CNTN4: variants seen among roughly 807,000 people sequenced by gnomAD.
CNTN4 encodes the protein contactin 4.
In CNTN4, 77 loss-of-function variants were observed where a neutral mutation model predicts 122.5. That is an observed-to-expected ratio of 0.63 (90% CI 0.52 to 0.76). CNTN4 has a LOEUF of 0.76. Among genes scored for constraint, CNTN4 ranks in the 30% least tolerant of loss-of-function variants. CNTN4 has a pLI of 0.00. For missense variants in CNTN4, 1,256 were observed against 1,259.1 expected, an observed-to-expected ratio of 1.00 and a Z score of 0.04; for synonymous variants, 512 against 447.0, an observed-to-expected ratio of 1.15 and a Z score of -1.83.
rs546540987 is a variant in CNTN4 at position 2,427,518 on chromosome 3, T to C, written c.-89+88285T>C. Among the ~76,000 whole-genome samples the C allele has an allele frequency of 1.1e-4, 16 of 152,256 alleles. 1 individual carries two copies. In the South Asian group the frequency reaches 3.3e-3, roughly 32 times the overall value. ...TTTGTGGTCAATTTTGGAATAAGTG[T>C]GATGTGGTGCTGAGAAGAATGTATA... is the stretch of plus-strand genomic sequence containing the variant. On this transcript the variant is annotated intron_variant, in intron 3 of 24. Transcript: ENST00000418658.
intron 4 of CNTN4, among the ~76,000 whole-genome samples, chr3:2,691,127 C>G (rs1260820351): frequency 6.6e-6 from 1 of 152,138 alleles, no homozygotes; most frequent in Non-Finnish European, 1.5e-5. Context: ...TATGGCTTGT[C>G]TCTGCATTGG....
intron 7 of CNTN4, among the ~76,000 whole-genome samples, chr3:2,864,015 A>G (rs2093697106): frequency 6.6e-6 from 1 of 152,182 alleles, no homozygotes; most frequent in African/African-American, 2.4e-5. Context: ...AAAGGAATCA[A>G]CCTATTTTTA....
intron 4 of CNTN4, among the ~76,000 whole-genome samples, chr3:2,703,057 T>A (rs1423849673): frequency 6.6e-6 from 1 of 152,200 alleles, no homozygotes; most frequent in African/African-American, 2.4e-5. Flanking sequence ...ACAGGTAGTA[T>A]CTAATTCAAT....
At chr3:2,606,452 T>C (rs9839649) in intron 4 of CNTN4, among the ~76,000 whole-genome samples, 56,205 of 151,802 alleles carry the variant, frequency 0.37, 11,066 homozygotes, top group East Asian at 0.79. Flanking sequence ...CGTTTACCTA[T>C]GTAACAAACC....
intron 2 of CNTN4, among the ~76,000 whole-genome samples, chr3:2,323,150 G>A (rs1415022488): frequency 2.0e-5 from 3 of 151,982 alleles, no homozygotes; most frequent in Admixed American, 6.6e-5. Flanking sequence ...CTGAAGAATC[G>A]GTCTCTTCCA....
intron 2 of CNTN4, among the ~76,000 whole-genome samples, chr3:2,217,968 CAGAT>C (rs1342950375): frequency 4.6e-5 from 7 of 152,068 alleles, no homozygotes; most frequent in African/African-American, 1.7e-4. Flanking sequence ...AGTCAAGTAA[CAGAT>C]AAATAACGAA....
intron 15 of CNTN4, among the ~76,000 whole-genome samples, chr3:3,027,280 G>A (rs1326993274): frequency 6.6e-6 from 1 of 152,158 alleles, no homozygotes; most frequent in Non-Finnish European, 1.5e-5. Context: ...GCCAAGAGTG[G>A]TATCTGATTG....
chr3:2,858,898 A>G (rs1054928399), intron 7 of CNTN4, among the ~76,000 whole-genome samples: 2 of 152,080 alleles, frequency 1.3e-5, no homozygotes, highest in Non-Finnish European at 2.9e-5. Context: ...CTCACATACC[A>G]TTTTTTCTAT....
intron 13 of CNTN4, among the ~76,000 whole-genome samples, chr3:2,978,988 G>T (rs1693693869): frequency 6.6e-6 from 1 of 152,188 alleles, no homozygotes; most frequent in Admixed American, 6.5e-5. Flanking sequence ...CAGATGTCCT[G>T]CCTTAAGTAT....
At chr3:2,676,054 C>T (rs917159914) in intron 4 of CNTN4, among the ~76,000 whole-genome samples, 1 of 152,108 alleles carries the variant, frequency 6.6e-6, no homozygotes, top group African/African-American at 2.4e-5. Flanking sequence ...AAATCTTTCA[C>T]CTTTTAAAAT....
At chr3:2,123,752 A>C (rs958832653) in intron 2 of CNTN4, among the ~76,000 whole-genome samples, 1 of 152,222 alleles carries the variant, frequency 6.6e-6, no homozygotes, top group African/African-American at 2.4e-5. Context: ...TGATCGTTAG[A>C]GTTTCAGACT....
chr3:2,120,405 A>ATATATATATATATATATATATTTTTTT (rs1428527983), intron 2 of CNTN4, among the ~76,000 whole-genome samples: 2 of 40,882 alleles, frequency 4.9e-5, no homozygotes, highest in African/African-American at 1.1e-4. Flanking sequence ...ATATATATAT[A>ATATATATATATATATATATATTTTTTT]TTTTTTTTTT....
At chr3:2,486,994 A>C (rs1273407352) in intron 3 of CNTN4, among the ~76,000 whole-genome samples, 1 of 152,210 alleles carries the variant, frequency 6.6e-6, no homozygotes, top group East Asian at 1.9e-4. Context: ...TATATAAATC[A>C]CATAGAAATT....
At chr3:2,979,738 G>C (rs1254321345) in intron 13 of CNTN4, among the ~76,000 whole-genome samples, 1 of 151,836 alleles carries the variant, frequency 6.6e-6, no homozygotes, top group African/African-American at 2.4e-5. Flanking sequence ...TTTGTTTGTT[G>C]AAAGGAAATG....
chr3:2,234,934 A>T (rs975263693), intron 2 of CNTN4, among the ~76,000 whole-genome samples: 1 of 152,122 alleles, frequency 6.6e-6, no homozygotes, highest in Non-Finnish European at 1.5e-5. Flanking sequence ...AGCTTTGACA[A>T]AATCTGTTTA....
chr3:2,419,721 G>A (rs773256893), intron 3 of CNTN4, among the ~76,000 whole-genome samples: 2 of 152,098 alleles, frequency 1.3e-5, no homozygotes, highest in Admixed American at 6.6e-5. Flanking sequence ...AATATGTTAA[G>A]GAAACCTGTA....
At chr3:2,692,788 G>C (rs1211290345) in intron 4 of CNTN4, among the ~76,000 whole-genome samples, 1 of 151,926 alleles carries the variant, frequency 6.6e-6, no homozygotes, top group Admixed American at 6.6e-5. Flanking sequence ...AAAAATTTTA[G>C]CTCAAATGAA....
chr3:2,278,642 A>G (rs2041607936), intron 2 of CNTN4, among the ~76,000 whole-genome samples: 1 of 152,214 alleles, frequency 6.6e-6, no homozygotes, highest in Non-Finnish European at 1.5e-5. Flanking sequence ...ATACTATTAC[A>G]GCATAGTCAT....
chr3:2,400,522 C>T (rs1209397034), intron 3 of CNTN4, among the ~76,000 whole-genome samples: 13 of 146,630 alleles, frequency 8.9e-5, no homozygotes, highest in Non-Finnish European at 7.5e-5. Context: ...ACCCTTCCTC[C>T]TGCCACTTGG....
Sources: allele counts gnomAD v4.1 joint callset (sites outside exome capture counted in the v4.1 genomes callset), GRCh38; gene constraint gnomAD v4.1.1; transcripts MANE v1.5; gene names NCBI Gene and HGNC (gene_info 2026-07-23, HGNC 2026-07-21).